The following NUP205 variants were observed in gnomAD, a reference collection of about 807,000 sequenced individuals.
NUP205 encodes nucleoporin 205, also known as nuclear pore complex protein Nup205.
Under a neutral mutation model 253.8 loss-of-function variants are expected in NUP205, and 76 were observed. The observed-to-expected ratio is 0.30, with a 90% CI of 0.25 to 0.36. The LOEUF is 0.36. Among genes scored for constraint, NUP205 ranks in the 10% least tolerant of loss-of-function variants. NUP205 has a pLI of 1.00. For missense variants in NUP205, 2,162 were observed against 2,425.5 expected (o/e 0.89, Z 2.28); for synonymous variants, 832 against 850.1 (o/e 0.98, Z 0.37).
At position 135,617,129 on chromosome 7, in the gene NUP205, T is replaced by A; in HGVS notation, c.3572T>A (p.Phe1191Tyr). The A allele has an allele frequency of 6.2e-7, 1 of 1,613,458 alleles. No individual in the cohort carries two copies. The highest frequency in any genetic ancestry group is 1.1e-5 in the South Asian group (1 of 90,990). Residue 1191 changes from phenylalanine to tyrosine, a missense_variant, in exon 26 of 43, where the codon TTC becomes TAC. Physicochemically the swap from Phe to Tyr is conservative, Grantham distance 22 (BLOSUM62 3). Coordinates refer to ENST00000285968, the MANE Select transcript of NUP205 (RefSeq NM_015135.3). ...CTAAATATTCTTGACTCGATTGACTTCAGTCAGGAGATCCCTGAGCCTTTG... is the reference window on the plus strand; with the variant it reads ...CTAAATATTCTTGACTCGATTGACTACAGTCAGGAGATCCCTGAGCCTTTG... ...KILNILDSID[F>Y]SQEIPEPLQL...
intron 7 of NUP205, among the ~76,000 whole-genome samples, chr7:135,584,135 T>C (rs746531508): frequency 2.6e-5 from 4 of 152,142 alleles, no homozygotes; most frequent in Admixed American, 1.3e-4. Context: ...ATTTTTGAGT[T>C]GTACACTGCA....
intron 37 of NUP205, 109 bp downstream of exon 37, chr7:135,638,168 G>T (rs1794851631): frequency 1.7e-6 from 2 of 1,169,868 alleles, no homozygotes; most frequent in African/African-American, 1.5e-5. Context: ...CCAGCACTTT[G>T]GGAGGCCAAG....
chr7:135,637,838 C>T, intron 36 of NUP205, 93 bp from the exon 37 acceptor site: 1 of 1,170,796 alleles, frequency 8.5e-7, no homozygotes, highest in East Asian at 2.5e-5. Context: ...AGGACTGATT[C>T]CATTCTCCAC....
intron 2 of NUP205, 74 bp from the exon 3 acceptor site, chr7:135,573,580 C>T: frequency 9.4e-7 from 1 of 1,063,348 alleles, no homozygotes; most frequent in East Asian, 2.5e-5. Context: ...CATGAATAAG[C>T]TTCTGTAGGT....
chr7:135,577,980 G>T lies in NUP205; in HGVS notation c.833G>T (p.Cys278Phe), dbSNP rs755726886. Residue 278 changes from cysteine to phenylalanine, a missense_variant, in exon 6 of 43, where the codon TGT becomes TTT. Cys to Phe is a radical substitution (Grantham distance 205). Coordinates refer to ENST00000285968, the MANE Select transcript of NUP205 (RefSeq NM_015135.3). ...GCTCTTCTTATGGCGCTTCTATACT[G>T]TTTTGATATCAGTTTTATAGAGCAA... ...NLALLMALLY[C>F]FDISFIEQST... The T allele has an allele frequency of 6.2e-7, 1 of 1,613,898 alleles. No homozygotes were observed. Among genetic ancestry groups the T allele is most frequent in the Non-Finnish European group, 8.5e-7 (1 of 1,179,918 alleles).
chr7:135,626,472 T>A, intron 33 of NUP205, 111 bp downstream of exon 33: 1 of 1,187,756 alleles, frequency 8.4e-7, no homozygotes, highest in Non-Finnish European at 1.2e-6. Flanking sequence ...CATCTTGGTG[T>A]GGGTTTTTTT....
intron 28 of NUP205, 89 bp downstream of exon 28, chr7:135,618,692 C>G: frequency 8.8e-7 from 1 of 1,132,782 alleles, no homozygotes; most frequent in Non-Finnish European, 1.3e-6. Flanking sequence ...TTTCCATTTT[C>G]GATTGGGAGT....
chr7:135,643,324 A>T lies in NUP205; in HGVS notation c.5525A>T (p.Asn1842Ile). Residue 1842 changes from asparagine to isoleucine, a missense_variant, in exon 39 of 43, where the codon AAT (asparagine) becomes ATT (isoleucine). This residue lies in a region of NUP205 where 1,144 missense variants were observed against 1,280.9 expected (regional missense o/e 0.89). Transcript: ENST00000285968. ...SHRQSVSKLQ[N>I]VEQLPPDEIK... Reference sequence around the variant, plus strand: ...CGACAGAGTGTCAGCAAGCTACAAAATGTAGAGCAGCTTCCCCCAGATGAG... The same window carrying T: ...CGACAGAGTGTCAGCAAGCTACAAATTGTAGAGCAGCTTCCCCCAGATGAG... 2 of 1,614,096 alleles carry T rather than the reference A, an allele frequency of 1.2e-6. No homozygotes were observed. The highest frequency in any genetic ancestry group is 1.7e-6 in the Non-Finnish European group (2 of 1,179,978).
chr7:135,570,906 A>G (rs565077521), intron 1 of NUP205, among the ~76,000 whole-genome samples, 199 bp from the exon 2 acceptor site: 34 of 96,134 alleles, frequency 3.5e-4, no homozygotes, highest in East Asian at 9.4e-4. Context: ...ATATTTATAT[A>G]TAATATATTA....
Position 135,591,602 on chromosome 7 carries a change from T to TA in NUP205, c.1624+4dup. On this transcript the variant is annotated splice_region_variant and intron_variant, in intron 11 of 42. Coordinates refer to ENST00000285968, the MANE Select transcript of NUP205 (RefSeq NM_015135.3). ...TCAAAGTCAATGGTAGTAGTCATGGTAAGGAATATGTGGATGTTGTTAAAG... is the reference window on the plus strand; with the variant it reads ...TCAAAGTCAATGGTAGTAGTCATGGTAAAGGAATATGTGGATGTTGTTAAAG... 1.2e-6 allele frequency: 2 copies of TA among 1,610,552 alleles called. No individual in the cohort carries two copies. Among genetic ancestry groups the TA allele is most frequent in the Non-Finnish European group, 1.7e-6 (2 of 1,179,264 alleles).
chr7:135,584,997 T>C lies in NUP205; in HGVS notation c.1208T>C (p.Met403Thr), dbSNP rs920157704. 6.2e-7 allele frequency: 1 copy of C among 1,610,576 alleles called. No homozygotes were observed. Among genetic ancestry groups the C allele is most frequent in the Non-Finnish European group, 8.5e-7 (1 of 1,177,034 alleles). Reference sequence around the variant, plus strand: ...CTCATCACAGATTTCCTTGCACTTATGCCAATGAAGGTAAGTGTAATAATG... The same window carrying C: ...CTCATCACAGATTTCCTTGCACTTACGCCAATGAAGGTAAGTGTAATAATG... ...HNLITDFLAL[M>T]PMKVKQLRNR... The change falls in exon 8 of 43, where the codon ATG (methionine) becomes ACG (threonine). Residue 403 changes from methionine (M) to threonine (T), a missense_variant. Met to Thr is a moderately conservative substitution (Grantham distance 81). This residue lies in a region of NUP205 where 892 missense variants were observed against 957.1 expected (regional missense o/e 0.93). Transcript: ENST00000285968.
At position 135,625,175 on chromosome 7, in the gene NUP205, G is replaced by T. The variant is rs772564421; in HGVS notation, c.4491G>T (p.Leu1497=). The T allele has an allele frequency of 1.8e-5, 29 of 1,612,098 alleles. No individual in the cohort carries two copies. The Admixed American group carries it at 4.9e-4, about 27-fold the overall frequency. The change falls in exon 32 of 43, where the codon CTG becomes CTT. Residue 1497 remains leucine, a synonymous_variant. Transcript: ENST00000285968. ...TATTCTTCCTTCAGATGCTGGCCCT[G>T]GCTCTACTTGATAGAATTGTCTCCG... ...DGHEIGRMLA[L]ALLDRIVSVD... is the part of the protein sequence containing the mutation.
intron 1 of NUP205, among the ~76,000 whole-genome samples, chr7:135,565,660 G>A (rs527937518): frequency 2.0e-5 from 3 of 152,048 alleles, no homozygotes; most frequent in South Asian, 2.1e-4. Context: ...TCGAACTCCC[G>A]ACCTAAGGTG....
chr7:135,570,877 G>GTAATATATTATATATTATATATTTATATA (rs1275998377), intron 1 of NUP205, among the ~76,000 whole-genome samples: 3 of 111,116 alleles, frequency 2.7e-5, no homozygotes, highest in East Asian at 2.2e-4. Flanking sequence ...TAAAATATAT[G>GTAATATATTATATATTATATATTTATATA]TAATATATTA....
chr7:135,615,824 A>G (rs550265649), intron 23 of NUP205, 92 bp from the exon 24 acceptor site: 4 of 711,702 alleles, frequency 5.6e-6, no homozygotes, highest in East Asian at 6.1e-5. Context: ...ACTTTGTTAC[A>G]TGGGAAAATA....
intron 30 of NUP205, among the ~76,000 whole-genome samples, 156 bp from the exon 31 acceptor site, chr7:135,622,621 G>A (rs900414803): frequency 2.0e-5 from 3 of 151,456 alleles, no homozygotes; most frequent in Admixed American, 6.6e-5. Context: ...TGGACCCACC[G>A]GTCAGTGGGC....
chr7:135,566,368 C>T (rs1805759441), intron 1 of NUP205, among the ~76,000 whole-genome samples: 1 of 152,018 alleles, frequency 6.6e-6, no homozygotes. Flanking sequence ...TGGGGTTACA[C>T]GGATGAGCCA....
At position 135,638,003 on chromosome 7, in the gene NUP205, A is replaced by G. The variant is rs770553872; in HGVS notation, c.5209A>G (p.Asn1737Asp). Residue 1737 changes from asparagine to aspartate, a missense_variant, in exon 37 of 43, where the codon AAT becomes GAT. By Grantham distance (23) the Asn-to-Asp change is conservative. This residue lies in a region of NUP205 where 1,144 missense variants were observed against 1,280.9 expected (regional missense o/e 0.89). Transcript: ENST00000285968. ...GCGTCAGTTTAAATTTCAAGACGAT[A>G]ATGTGGAGGGAGATAAAGTAAGCAA... ...RLRQFKFQDD[N>D]VEGDKVSKKD... is the part of the protein sequence containing the mutation. The G allele has an allele frequency of 2.7e-5, 44 of 1,614,090 alleles. No homozygotes were observed. The highest frequency in any genetic ancestry group is 3.6e-5 in the Non-Finnish European group (43 of 1,179,934).
At chr7:135,593,421 G>C (rs1187048759) in intron 12 of NUP205, among the ~76,000 whole-genome samples, 1 of 152,110 alleles carries the variant, frequency 6.6e-6, no homozygotes, top group African/African-American at 2.4e-5. Flanking sequence ...GCCTGAGCCT[G>C]AAAGAAAATA....
Sources: gnomAD v4.1 joint callset for allele counts (sites outside exome capture counted in the v4.1 genomes callset) on GRCh38, gnomAD v4.1.1 for gene constraint, gnomAD v4.1.1 regional missense constraint, MANE v1.5 for transcripts, NCBI Gene and HGNC (gene_info 2026-07-23, HGNC 2026-07-21) for gene names.